Variants in NFIA observed in about 807,000 individuals in gnomAD.
NFIA encodes the protein nuclear factor 1 A-type.
NFIA carries 8 observed loss-of-function variants against 62.8 expected under a neutral mutation model. The observed-to-expected ratio is 0.13, with a 90% confidence interval of 0.07 to 0.23. The LOEUF is 0.23. Among genes scored for constraint, NFIA ranks in the 10% least tolerant of loss-of-function variants. The pLI is 1.00. For synonymous variants in NFIA, 235 were observed against 238.1 expected, an observed-to-expected ratio of 0.99 and a Z score of 0.12; for missense variants, 410 against 642.1, an observed-to-expected ratio of 0.64 and a Z score of 3.91.
At chr1:61,150,421 G>T (rs758516810) in intron 2 of NFIA, among the ~76,000 whole-genome samples, 1 of 152,200 alleles carries the variant, frequency 6.6e-6, no homozygotes, top group Non-Finnish European at 1.5e-5. Flanking sequence ...CTAGGCATTG[G>T]AGTAACCCTG....
At chr1:61,433,986 T>C (rs1167805983) in intron 10 of NFIA, among the ~76,000 whole-genome samples, 2 of 152,182 alleles carry the variant, frequency 1.3e-5, no homozygotes, top group Non-Finnish European at 2.9e-5. Flanking sequence ...TACTACCCAC[T>C]GCAAAATCCT....
intron 2 of NFIA, among the ~76,000 whole-genome samples, chr1:61,124,437 C>G (rs1056434165): frequency 6.6e-6 from 1 of 152,100 alleles, no homozygotes; most frequent in Non-Finnish European, 1.5e-5. Context: ...TCAATTCTGT[C>G]TGGTGTAGAC....
At chr1:61,107,781 C>A (rs989841582) in intron 2 of NFIA, among the ~76,000 whole-genome samples, 1 of 151,376 alleles carries the variant, frequency 6.6e-6, no homozygotes, top group Non-Finnish European at 1.5e-5. Context: ...TTTTGTATAT[C>A]TTTTAAGTGT....
Position 61,461,782 on chromosome 1 carries a change from A to G in NFIA, c.*6462A>G, listed in dbSNP as rs1337623525. The G allele has an allele frequency of 6.6e-6, 1 of 152,190 alleles. No individual in the cohort carries two copies. Among genetic ancestry groups the G allele is most frequent in the Non-Finnish European group, 1.5e-5 (1 of 68,050 alleles). 9.4% of individuals were successfully genotyped at this position (152,190 alleles called of 1,614,324 possible). A position where few individuals can be genotyped will look rare whatever the true frequency, so the allele number is the denominator to read the frequency against. On this transcript the variant is annotated 3_prime_UTR_variant, in exon 11 of 11. Transcript: ENST00000403491. ...AGCATACAGTGGAAGTGCTACCTCTAATCTAACCAGAGCACCTTCATGGTG... is the reference window on the plus strand; with the variant it reads ...AGCATACAGTGGAAGTGCTACCTCTGATCTAACCAGAGCACCTTCATGGTG...
intron 3 of NFIA, among the ~76,000 whole-genome samples, chr1:61,302,447 A>G (rs1659542651): frequency 1.3e-5 from 2 of 152,362 alleles, no homozygotes; most frequent in Middle Eastern, 6.8e-3. Context: ...ATATGCAGCA[A>G]TGACGAGTAA....
intron 2 of NFIA, among the ~76,000 whole-genome samples, chr1:61,233,632 G>A (rs1201545411): frequency 6.6e-6 from 1 of 152,176 alleles, no homozygotes; most frequent in East Asian, 1.9e-4. Context: ...TTATGACCTT[G>A]AACAAATTCC....
intron 2 of NFIA, among the ~76,000 whole-genome samples, chr1:61,131,476 G>A (rs911004684): frequency 6.6e-6 from 1 of 152,124 alleles, no homozygotes; most frequent in Admixed American, 6.5e-5. Flanking sequence ...AACAAGGCAA[G>A]CATATTAGGG....
intron 9 of NFIA, among the ~76,000 whole-genome samples, chr1:61,417,287 G>A (rs1666393912): frequency 6.8e-6 from 1 of 148,016 alleles, no homozygotes. Context: ...GTGTGTGTGT[G>A]TGTATACACA....
At chr1:61,391,435 AACACACACACAC>A (rs60938787) in intron 7 of NFIA, among the ~76,000 whole-genome samples, 1,835 of 124,672 alleles carry the variant, frequency 0.015, 22 homozygotes, top group African/African-American at 0.034. Context: ...TTATGAATCA[AACACACACACAC>A]ACACACACAC....
intron 2 of NFIA, among the ~76,000 whole-genome samples, chr1:61,190,613 C>T (rs1009252462): frequency 6.6e-6 from 1 of 152,164 alleles, no homozygotes; most frequent in African/African-American, 2.4e-5. Flanking sequence ...ATGTTATTTA[C>T]ACATATTGTG....
chr1:61,425,366 A>T (rs535431762), intron 9 of NFIA, among the ~76,000 whole-genome samples: 1 of 152,188 alleles, frequency 6.6e-6, no homozygotes, highest in African/African-American at 2.4e-5. Context: ...CATGCCCTCA[A>T]TTATCTGTGT....
Position 61,196,991 on chromosome 1 carries a change from A to G in NFIA, c.560-80529A>G, listed in dbSNP as rs549697873. 2.6e-5 allele frequency among the ~76,000 whole-genome samples: 4 copies of G among 152,136 alleles called. No individual in the cohort carries two copies. The South Asian group carries it at 8.3e-4, about 32-fold the overall frequency. On this transcript the variant is annotated intron_variant, in intron 2 of 10. Transcript: ENST00000403491. ...TGCATATGTATTTGTGTTTAATTAA[A>G]CAGAGGGAATTGCTGGCTTTTAATC... is the stretch of plus-strand genomic sequence containing the variant.
At chr1:61,263,572 A>G (rs1656909132) in intron 2 of NFIA, among the ~76,000 whole-genome samples, 1 of 152,234 alleles carries the variant, frequency 6.6e-6, no homozygotes, top group African/African-American at 2.4e-5. Flanking sequence ...TGTTGAATAT[A>G]AAATAGATAA....
At chr1:61,110,606 A>T (rs1646679521) in intron 2 of NFIA, among the ~76,000 whole-genome samples, 1 of 152,050 alleles carries the variant, frequency 6.6e-6, no homozygotes, top group Non-Finnish European at 1.5e-5. Context: ...GGGAAGTTGT[A>T]ATAATTGCAG....
At chr1:61,342,007 G>A (rs962645855) in intron 4 of NFIA, among the ~76,000 whole-genome samples, 46 of 152,242 alleles carry the variant, frequency 3.0e-4, no homozygotes, top group African/African-American at 1.1e-3. Flanking sequence ...GCTGTTGGTA[G>A]TGACCATCTT....
chr1:61,185,408 A>C (rs1172935750), intron 2 of NFIA, among the ~76,000 whole-genome samples: 1 of 152,182 alleles, frequency 6.6e-6, no homozygotes, highest in Non-Finnish European at 1.5e-5. Flanking sequence ...CATCATCCTT[A>C]CCCAGACTAC....
chr1:61,114,540 T>C (rs1049844030), intron 2 of NFIA, among the ~76,000 whole-genome samples: 3 of 152,152 alleles, frequency 2.0e-5, no homozygotes, highest in Non-Finnish European at 4.4e-5. Context: ...AGGAAAATTA[T>C]TTCCAGATTA....
At chr1:61,446,200 G>T (rs1194873192) in intron 10 of NFIA, among the ~76,000 whole-genome samples, 1 of 152,192 alleles carries the variant, frequency 6.6e-6, no homozygotes, top group African/African-American at 2.4e-5. Flanking sequence ...CAGACCCGCA[G>T]TCCAGTGCTT....
At chr1:61,272,632 T>C (rs1481280384) in intron 2 of NFIA, among the ~76,000 whole-genome samples, 2 of 152,188 alleles carry the variant, frequency 1.3e-5, no homozygotes, top group African/African-American at 4.8e-5. Flanking sequence ...CTAAAACTTA[T>C]CTAAATTTTG....
Sources: allele counts gnomAD v4.1 joint callset (sites outside exome capture counted in the v4.1 genomes callset), GRCh38; gene constraint gnomAD v4.1.1; transcripts MANE v1.5; gene names NCBI Gene and HGNC (gene_info 2026-07-23, HGNC 2026-07-21).